The following SH3RF3 variants were observed in gnomAD, a reference collection of about 807,000 sequenced individuals.
SH3RF3 encodes the protein SH3 domain containing ring finger 3.
In SH3RF3, 29 loss-of-function variants were observed where a neutral mutation model predicts 66.3. The observed-to-expected ratio is 0.44, with a 90% CI of 0.33 to 0.60. The LOEUF is 0.60. SH3RF3 is among the 20% of genes least tolerant of loss of function. The probability of loss-of-function intolerance (pLI) is 0.04; values close to 1 mark genes in which losing one functional copy is unlikely to be tolerated. For synonymous variants in SH3RF3, 583 were observed against 532.0 expected (o/e 1.10, Z -1.32); for missense variants, 1,194 against 1,190.9 (o/e 1.00, Z -0.04).
intron 1 of SH3RF3, among the ~76,000 whole-genome samples, chr2:109,320,815 C>T (rs1682009090): frequency 6.6e-6 from 1 of 152,180 alleles, no homozygotes; most frequent in Admixed American, 6.5e-5. Flanking sequence ...CATGGACAGG[C>T]AGAGTGGTCA....
intron 1 of SH3RF3, among the ~76,000 whole-genome samples, chr2:109,312,188 C>G (rs919722421): frequency 6.6e-6 from 1 of 152,146 alleles, no homozygotes; most frequent in African/African-American, 2.4e-5. Context: ...TAATGAAAAT[C>G]TTACACAATC....
chr2:109,399,034 C>A, intron 4 of SH3RF3, 91 bp downstream of exon 4: 1 of 1,346,416 alleles, frequency 7.4e-7, no homozygotes, highest in Non-Finnish European at 1.0e-6. Flanking sequence ...CCTCAACTAG[C>A]ATGGAGGCCG....
At chr2:109,142,495 G>A (rs1676981029) in intron 1 of SH3RF3, among the ~76,000 whole-genome samples, 1 of 152,206 alleles carries the variant, frequency 6.6e-6, no homozygotes, top group Non-Finnish European at 1.5e-5. Context: ...TGCAGGCACA[G>A]CGGCCGAGAG....
intron 8 of SH3RF3, among the ~76,000 whole-genome samples, chr2:109,476,662 G>A (rs1463644634): frequency 6.6e-6 from 1 of 152,182 alleles, no homozygotes; most frequent in African/African-American, 2.4e-5. Flanking sequence ...GAGGGTTCTT[G>A]GATCTCCCGC....
chr2:109,243,451 G>A (rs1410024130), intron 1 of SH3RF3, among the ~76,000 whole-genome samples: 2 of 152,160 alleles, frequency 1.3e-5, no homozygotes, highest in Admixed American at 6.5e-5. Context: ...AGGGATTTTC[G>A]TATTCTCCTC....
At chr2:109,327,742 A>T (rs1476054718) in intron 1 of SH3RF3, among the ~76,000 whole-genome samples, 3 of 152,240 alleles carry the variant, frequency 2.0e-5, no homozygotes, top group Non-Finnish European at 4.4e-5. Flanking sequence ...CAAAAATATA[A>T]AGTATTTTTA....
At chr2:109,346,929 G>A (rs370642404) in intron 1 of SH3RF3, among the ~76,000 whole-genome samples, 13 of 152,278 alleles carry the variant, frequency 8.5e-5, no homozygotes, top group Admixed American at 2.6e-4. Flanking sequence ...TCATGGTGGG[G>A]GGGTCTGTGA....
intron 1 of SH3RF3, among the ~76,000 whole-genome samples, chr2:109,300,928 G>A (rs1252519994): frequency 1.3e-5 from 2 of 152,226 alleles, no homozygotes; most frequent in East Asian, 3.9e-4. Context: ...GAAGGTGAGG[G>A]CCACAGCATG....
At chr2:109,209,852 AT>A (rs1302166459) in intron 1 of SH3RF3, among the ~76,000 whole-genome samples, 1 of 152,124 alleles carries the variant, frequency 6.6e-6, no homozygotes, top group Admixed American at 6.5e-5. Context: ...TATTACATAA[AT>A]TTTACCATTT....
intron 8 of SH3RF3, among the ~76,000 whole-genome samples, chr2:109,484,223 C>T (rs373893281): frequency 2.7e-4 from 41 of 152,196 alleles, no homozygotes; most frequent in African/African-American, 7.5e-4. Context: ...CTTGCCACCA[C>T]GCTCAGCTAA....
intron 8 of SH3RF3, among the ~76,000 whole-genome samples, chr2:109,457,512 C>A (rs917073161): frequency 1.3e-5 from 2 of 152,194 alleles, no homozygotes. Context: ...TGACTAATAA[C>A]GAGTAACTAA....
chr2:109,248,122 C>A (rs1679965699), intron 1 of SH3RF3, among the ~76,000 whole-genome samples: 1 of 152,126 alleles, frequency 6.6e-6, no homozygotes, highest in African/African-American at 2.4e-5. Flanking sequence ...AAGTCCACTG[C>A]CTGTTTTCTT....
At chr2:109,139,167 A>C (rs1167090100) in intron 1 of SH3RF3, among the ~76,000 whole-genome samples, 1 of 152,248 alleles carries the variant, frequency 6.6e-6, no homozygotes, top group East Asian at 1.9e-4. Context: ...GTAACTTAAA[A>C]ATTGCATCCT....
intron 2 of SH3RF3, among the ~76,000 whole-genome samples, chr2:109,365,870 T>C (rs1374382706): frequency 2.0e-5 from 3 of 152,236 alleles, no homozygotes; most frequent in Admixed American, 1.3e-4. Context: ...AAATCAACTT[T>C]CTTTACAAAA....
At chr2:109,389,579 G>A (rs1675925101) in intron 3 of SH3RF3, among the ~76,000 whole-genome samples, 1 of 152,226 alleles carries the variant, frequency 6.6e-6, no homozygotes, top group African/African-American at 2.4e-5. Flanking sequence ...CTAAGCCAGA[G>A]ATCTCCAAGG....
intron 1 of SH3RF3, among the ~76,000 whole-genome samples, chr2:109,347,281 TCAGATTCTAC>T (rs1574588345): frequency 6.6e-6 from 1 of 152,156 alleles, no homozygotes; most frequent in East Asian, 1.9e-4. Flanking sequence ...CCTCCTGGGT[TCAGATTCTAC>T]CTACTGCTCC....
chr2:109,349,715 G>A (rs1422181326), intron 2 of SH3RF3, among the ~76,000 whole-genome samples: 2 of 152,258 alleles, frequency 1.3e-5, no homozygotes, highest in Non-Finnish European at 2.9e-5. Context: ...CCACTCGGGA[G>A]AACCCACTGT....
intron 2 of SH3RF3, among the ~76,000 whole-genome samples, chr2:109,348,741 T>A (rs1682771526): frequency 6.6e-6 from 1 of 152,138 alleles, no homozygotes; most frequent in Non-Finnish European, 1.5e-5. Flanking sequence ...CCTCTCTCCC[T>A]CCTGCTTCCC....
At chr2:109,245,849 GAATCTAGAGTACTTAACACTTGA>G (rs1226767542) in intron 1 of SH3RF3, among the ~76,000 whole-genome samples, 3 of 152,262 alleles carry the variant, frequency 2.0e-5, no homozygotes, top group East Asian at 3.9e-4. Context: ...ATGAGAGATT[GAATCTAGAGTACTTAACACTTGA>G]AATCTAGAGT....
Sources: allele counts gnomAD v4.1 joint callset (sites outside exome capture counted in the v4.1 genomes callset), GRCh38; gene constraint gnomAD v4.1.1; transcripts MANE v1.5; gene names NCBI Gene and HGNC (gene_info 2026-07-23, HGNC 2026-07-21).